Variants in MTTP observed in about 807,000 individuals in gnomAD.
The protein encoded by MTTP is microsomal triglyceride transfer protein.
A neutral mutation model predicts 90.6 loss-of-function variants in MTTP; 49 were observed. The observed-to-expected ratio is 0.54, with a 90% CI of 0.43 to 0.69. The LOEUF (loss-of-function observed/expected upper bound fraction) is 0.69. Among genes scored for constraint, MTTP ranks in the 30% least tolerant of loss-of-function variants. MTTP has a pLI of 0.00. For synonymous variants in MTTP, 347 were observed against 384.2 expected (o/e 0.90, Z 1.13); for missense variants, 945 against 1,067.5 (o/e 0.89, Z 1.60).
Position 99,583,391 on chromosome 4 carries a change from T to C in MTTP, c.267T>C (p.Val89=), listed in dbSNP as rs1725174665. The C allele has an allele frequency of 6.2e-7, 1 of 1,613,218 alleles. No homozygotes were observed. The highest frequency in any genetic ancestry group is 8.5e-7 in the Non-Finnish European group (1 of 1,179,650). ...LIQITMKDVN[V]ENVNQQRGEK... is the part of the protein sequence containing the mutation. ...TACTCCAGATGAAGGATGTAAATGT[T>C]GAAAATGTGAATCAGCAGAGAGGAG... Residue 89 remains valine (V), a synonymous_variant, in exon 3 of 18, where the codon GTT becomes GTC. Coordinates refer to ENST00000265517, the MANE Select transcript of MTTP (RefSeq NM_001386140.1).
Position 99,582,047 on chromosome 4 carries a change from A to G in MTTP, c.204A>G (p.Leu68=), listed in dbSNP as rs376419753. ...CCTCCAACGTGGATGTGGCCTTACT[A>G]TGGAGGAATCCTGATGGTGATGATG... ...RISSNVDVAL[L]WRNPDGDDDQ... Residue 68 remains leucine, a synonymous_variant, in exon 2 of 18, where the codon CTA becomes CTG. Transcript: ENST00000265517. The G allele has an allele frequency of 3.1e-6, 5 of 1,614,068 alleles. No individual in the cohort carries two copies. Among genetic ancestry groups the G allele is most frequent in the Admixed American group, 1.7e-5 (1 of 60,004 alleles).
At chr4:99,575,275 C>T (rs755010273) in intron 1 of MTTP, among the ~76,000 whole-genome samples, 5 of 152,204 alleles carry the variant, frequency 3.3e-5, no homozygotes, top group Non-Finnish European at 5.9e-5. Flanking sequence ...AAGATACCCA[C>T]TATTGTTACC....
At chr4:99,603,148 T>A (rs566663926) in intron 10 of MTTP, among the ~76,000 whole-genome samples, 1 of 152,004 alleles carries the variant, frequency 6.6e-6, no homozygotes, top group Non-Finnish European at 1.5e-5. Flanking sequence ...AAAGTCAAAA[T>A]AGGCCTGGTA....
At chr4:99,590,560 T>C (rs1725389925) in intron 4 of MTTP, among the ~76,000 whole-genome samples, 1 of 152,158 alleles carries the variant, frequency 6.6e-6, no homozygotes, top group Non-Finnish European at 1.5e-5. Context: ...TTTCTTAGAC[T>C]GAATTCAACC....
At chr4:99,607,057 T>C (rs548922132) in intron 11 of MTTP, 97 bp downstream of exon 11, 84 of 1,084,254 alleles carry the variant, frequency 7.7e-5, no homozygotes, top group Middle Eastern at 2.4e-4. Flanking sequence ...TCACTCTGTA[T>C]TTTCCCCAAA....
Position 99,623,354 on chromosome 4 carries a change from A to G in MTTP, c.*506A>G, listed in dbSNP as rs6832119. On this transcript the variant is annotated 3_prime_UTR_variant, in exon 18 of 18. Coordinates refer to ENST00000265517, the MANE Select transcript of MTTP (RefSeq NM_001386140.1). ...TCTCTTTTTTTGGAGTTGGGGGCCCAGGGAGAAGGGACAAGACTTTTAAAA... is the reference window on the plus strand; with the variant it reads ...TCTCTTTTTTTGGAGTTGGGGGCCCGGGGAGAAGGGACAAGACTTTTAAAA... 0.079 allele frequency: 12,888 copies of G among 162,478 alleles called. 580 individuals are homozygous for G. The highest frequency in any genetic ancestry group is 0.098 in the Middle Eastern group (30 of 306). 10.1% of individuals were successfully genotyped at this position (162,478 alleles called of 1,614,324 possible).
In MTTP at chr4:99,613,101, T is replaced by C. The variant is rs751803346; in HGVS notation, c.2178T>C (p.Ser726=). ...TGTCAGCATCTGGCGACCCTATCAG[T>C]GTGGTGAAAGGACTTATTCTGCTAA... ...KMLSASGDPI[S]VVKGLILLID... The change falls in exon 15 of 18, where the codon AGT becomes AGC. Residue 726 remains serine (S), a synonymous_variant. Transcript: ENST00000265517. The C allele has an allele frequency of 6.2e-7, 1 of 1,613,990 alleles. No individual in the cohort carries two copies. The highest frequency in any genetic ancestry group is 1.1e-5 in the South Asian group (1 of 91,080).
chr4:99,585,522 C>T (rs1369565861), intron 3 of MTTP, among the ~76,000 whole-genome samples: 2 of 152,102 alleles, frequency 1.3e-5, no homozygotes, highest in African/African-American at 4.8e-5. Flanking sequence ...TTTCTTATGG[C>T]TCAACTTTGT....
intron 17 of MTTP, among the ~76,000 whole-genome samples, chr4:99,621,701 G>A (rs1726238110): frequency 6.6e-6 from 1 of 152,182 alleles, no homozygotes; most frequent in African/African-American, 2.4e-5. Context: ...CCCTGTTTAA[G>A]TTTTGGCTCA....
chr4:99,569,849 T>C (rs1724795502), upstream of MTTP, among the ~76,000 whole-genome samples: 1 of 151,988 alleles, frequency 6.6e-6, no homozygotes, highest in Non-Finnish European at 1.5e-5. Flanking sequence ...TTTACATATT[T>C]ACATATACCA....
intron 8 of MTTP, among the ~76,000 whole-genome samples, chr4:99,597,567 C>T (rs964915247): frequency 1.3e-5 from 2 of 152,126 alleles, no homozygotes; most frequent in African/African-American, 4.8e-5. Context: ...TTATGTTCCT[C>T]ATGCTGTTAA....
chr4:99,613,420 T>C (rs1211638411), intron 15 of MTTP, among the ~76,000 whole-genome samples: 1 of 152,202 alleles, frequency 6.6e-6, no homozygotes, highest in Non-Finnish European at 1.5e-5. Context: ...AGAATAGAGC[T>C]ACCACTGTCT....
At chr4:99,591,488 A>C in intron 5 of MTTP, 137 bp downstream of exon 5, 2 of 1,072,696 alleles carry the variant, frequency 1.9e-6, no homozygotes, top group Non-Finnish European at 2.8e-6. Flanking sequence ...AAATTCACAC[A>C]TATGTAATGA....
intron 9 of MTTP, 27 bp from the exon 10 acceptor site, chr4:99,601,580 C>T (rs781201243): frequency 1.4e-6 from 2 of 1,447,598 alleles, no homozygotes; most frequent in South Asian, 1.1e-5. Flanking sequence ...GTCTTGGTAA[C>T]CTATTTTATC....
At position 99,623,006 on chromosome 4, in the gene MTTP, G is replaced by T; in HGVS notation, c.*158G>T. The T allele has an allele frequency of 3.7e-6, 3 of 806,088 alleles. No individual in the cohort carries two copies. Among genetic ancestry groups the T allele is most frequent in the South Asian group, 1.5e-5 (1 of 67,370 alleles). 49.9% of individuals were successfully genotyped at this position (806,088 alleles called of 1,614,324 possible). A position where few individuals can be genotyped will look rare whatever the true frequency, so the allele number is the denominator to read the frequency against. On this transcript the variant is annotated 3_prime_UTR_variant, in exon 18 of 18. Transcript: ENST00000265517. ...AAAAACTGCAGTTTGATCAAATTTGGGTATATGCAGTATGCTACCCACAGC... is the reference window on the plus strand; with the variant it reads ...AAAAACTGCAGTTTGATCAAATTTGTGTATATGCAGTATGCTACCCACAGC...
chr4:99,576,503 G>A (rs1293889943), intron 1 of MTTP, among the ~76,000 whole-genome samples: 1 of 151,582 alleles, frequency 6.6e-6, no homozygotes, highest in Non-Finnish European at 1.5e-5. Context: ...AGACCATCCC[G>A]GCTAAAACGG....
At chr4:99,619,127 A>C in intron 16 of MTTP, 29 bp downstream of exon 16, 2 of 1,587,386 alleles carry the variant, frequency 1.3e-6, no homozygotes, top group Non-Finnish European at 1.7e-6. Flanking sequence ...TACATTTATG[A>C]ATTACATATA....
chr4:99,571,099 C>T (rs1451253071), upstream of MTTP, among the ~76,000 whole-genome samples: 6 of 151,878 alleles, frequency 4.0e-5, no homozygotes, highest in African/African-American at 1.2e-4. Context: ...CAAATATTGC[C>T]TTTGCACCAC....
rs2110239341 is a variant in MTTP at position 99,622,671 on chromosome 4, G to A, written c.2514-6G>A. The A allele has an allele frequency of 1.2e-6, 2 of 1,613,788 alleles. No homozygotes were observed. The highest frequency in any genetic ancestry group is 3.3e-4 in the Middle Eastern group (2 of 6,060). ...TAATTCTGTTATTGTTGCTGTTGTT[G>A]TACAGGCAATTTGAGAAAAAGTACG... On this transcript the variant is annotated splice_region_variant and splice_polypyrimidine_tract_variant and intron_variant, in intron 17 of 17. Coordinates refer to ENST00000265517, the MANE Select transcript of MTTP (RefSeq NM_001386140.1).
Sources: allele counts gnomAD v4.1 joint callset (sites outside exome capture counted in the v4.1 genomes callset), GRCh38; gene constraint gnomAD v4.1.1; transcripts MANE v1.5; gene names NCBI Gene and HGNC (gene_info 2026-07-23, HGNC 2026-07-21).